The following TNFRSF4 variants were observed in gnomAD, a reference collection of about 807,000 sequenced individuals.
TNFRSF4 encodes tumor necrosis factor receptor superfamily member 4.
TNFRSF4 carries 21 observed loss-of-function variants against 29.5 expected under a neutral mutation model. That is an observed-to-expected ratio of 0.71 (90% CI 0.51 to 1.03). The LOEUF (loss-of-function observed/expected upper bound fraction) is 1.03, where lower values mean the gene tolerates loss of function less well. TNFRSF4 is among the 50% of genes least tolerant of loss of function. TNFRSF4 has a pLI of 0.00. For synonymous variants in TNFRSF4, 197 were observed against 172.7 expected (o/e 1.14, Z -1.10); for missense variants, 408 against 387.8 (o/e 1.05, Z -0.44).
At position 1,211,705 on chromosome 1, in the gene TNFRSF4, AG is replaced by A. The variant is rs1649118471; in HGVS notation, c.761del (p.Pro254LeufsTer?). 3.8e-6 allele frequency: 6 copies of A among 1,592,158 alleles called. No individual in the cohort carries two copies. The highest frequency in any genetic ancestry group is 2.7e-5 in the African/African-American group (2 of 74,422). ...QRLPPDAHKPPGGGSFRTPIQ... is the reference protein window; with the variant it reads ...QRLPPDAHKPXGGGSFRTPIQ... Reference sequence around the variant, plus strand: ...GCGGCAGGGCCATGAGGCACTCACCAGGGGGCTTGTGGGCATCGGGGGGCAG... The same window carrying A: ...GCGGCAGGGCCATGAGGCACTCACCAGGGGCTTGTGGGCATCGGGGGGCAG... On this transcript the variant is annotated frameshift_variant and splice_region_variant, in exon 6 of 7. Coordinates refer to ENST00000379236, the MANE Select transcript of TNFRSF4 (RefSeq NM_003327.4). LOFTEE classifies it high-confidence loss of function.
Position 1,211,693 on chromosome 1 carries a change from G to A in TNFRSF4, c.763+11C>T, listed in dbSNP as rs759668491. The A allele has an allele frequency of 2.5e-6, 4 of 1,591,092 alleles. No individual in the cohort carries two copies. The highest frequency in any genetic ancestry group is 1.3e-5 in the African/African-American group (1 of 74,194). On this transcript the variant is annotated intron_variant, in intron 6 of 6. Coordinates refer to ENST00000379236, the MANE Select transcript of TNFRSF4 (RefSeq NM_003327.4). ...GCCAGGAGCAGTGCGGCAGGGCCAT[G>A]AGGCACTCACCAGGGGGCTTGTGGG...
chr1:1,214,087 G>T lies in TNFRSF4; in HGVS notation c.41C>A (p.Ala14Glu), dbSNP rs569590056. Residue 14 changes from alanine (A) to glutamate (E), a missense_variant, in exon 1 of 7, where the codon GCG becomes GAG. Coordinates refer to ENST00000379236, the MANE Select transcript of TNFRSF4 (RefSeq NM_003327.4). The surrounding 1 kb of genome is among the most constrained non-coding windows in gnomAD (Gnocchi z 4.2). ...CCCCAGGCCCAGGAGGAGCAGAGCC[G>T]CACACGGCCCGCGGCCCAGCCGCCG... ...GARRLGRGPCAALLLLGLGLS... is the reference protein window; with the variant it reads ...GARRLGRGPCEALLLLGLGLS... 6.3e-7 allele frequency: 1 copy of T among 1,588,904 alleles called. No homozygotes were observed. Among genetic ancestry groups the T allele is most frequent in the Non-Finnish European group, 8.5e-7 (1 of 1,172,138 alleles).
rs756014065 is a variant in TNFRSF4, at chr1:1,212,602, C to G, written c.437+36G>C. The G allele has an allele frequency of 3.2e-5, 44 of 1,382,690 alleles. 1 individual carries two copies. Among genetic ancestry groups the G allele is most frequent in the South Asian group, 4.0e-5 (3 of 74,824 alleles). 85.7% of individuals were successfully genotyped at this position (1,382,690 alleles called of 1,614,324 possible). ...CGCCCTCCTAACCACCCCAACCCCC[C>G]CCCAGCCCCTCCCAGCCCCTGGCCA... is the stretch of plus-strand genomic sequence containing the variant. On this transcript the variant is annotated intron_variant, in intron 4 of 6. Transcript: ENST00000379236.
In TNFRSF4 at chr1:1,213,773, A is replaced by G. The variant is rs1570467742; in HGVS notation, c.158T>C (p.Val53Ala). 2 of 1,599,848 alleles carry G rather than the reference A, an allele frequency of 1.3e-6. No individual in the cohort carries two copies. The highest frequency in any genetic ancestry group is 2.7e-5 in the African/African-American group (2 of 74,842). Residue 53 changes from valine to alanine, a missense_variant, in exon 2 of 7, where the codon GTG (valine) becomes GCG (alanine). Physicochemically the swap from Val to Ala is moderately conservative, Grantham distance 64. Coordinates refer to ENST00000379236, the MANE Select transcript of TNFRSF4 (RefSeq NM_003327.4). ...CHECRPGNGM[V>A]SRCSRSQNTV... Reference sequence around the variant, plus strand: ...GTTCTGGGAGCGGCTGCAGCGGCTCACCATCCCGTTGCCTGCAGCAGAGGC... The same window carrying G: ...GTTCTGGGAGCGGCTGCAGCGGCTCGCCATCCCGTTGCCTGCAGCAGAGGC...
rs1649096153 is a variant in TNFRSF4 at position 1,211,514 on chromosome 1, C to G, written c.*41G>C. 2 of 1,476,350 alleles carry G rather than the reference C, an allele frequency of 1.4e-6. No homozygotes were observed. The highest frequency in any genetic ancestry group is 1.8e-6 in the Non-Finnish European group (2 of 1,116,478). The allele number at this position is 1,476,350 out of a possible 1,614,324, so 91.5% of individuals were successfully genotyped here. On this transcript the variant is annotated 3_prime_UTR_variant, in exon 7 of 7. Coordinates refer to ENST00000379236, the MANE Select transcript of TNFRSF4 (RefSeq NM_003327.4). ...GCTCGCCCAGCAGACCCTCCGGGCT[C>G]CAGCCTGGCGGGGCCCAGCGTCCAC...
chr1:1,212,554 C>A, intron 4 of TNFRSF4, 84 bp downstream of exon 4: 2 of 575,184 alleles, frequency 3.5e-6, no homozygotes, highest in Non-Finnish European at 2.7e-6. Context: ...CCCCCCCAGC[C>A]CCTCCCAGCT....
At position 1,213,133 on chromosome 1, in the gene TNFRSF4, T is replaced by C. The variant is rs554661731; in HGVS notation, c.269-40A>G. ...GATGGGGGGGTGGTCAGGTGGGGGC[T>C]GTGGACAGGGTCCTCAGGAAGCGTG... On this transcript the variant is annotated intron_variant, in intron 2 of 6. Transcript: ENST00000379236. 1.0e-5 allele frequency: 16 copies of C among 1,579,338 alleles called. No homozygotes were observed. In the East Asian group the frequency reaches 3.5e-4, roughly 34 times the overall value.
At chr1:1,213,163 C>T in intron 2 of TNFRSF4, 70 bp from the exon 3 acceptor site, 1 of 1,546,524 alleles carries the variant, frequency 6.5e-7, no homozygotes, top group East Asian at 2.4e-5. Flanking sequence ...AGCGTGGGCA[C>T]TGGAGGACAG....
intron 3 of TNFRSF4, 61 bp downstream of exon 3, chr1:1,212,931 T>C: frequency 6.6e-7 from 1 of 1,508,130 alleles, no homozygotes. Flanking sequence ...CCACGGCCCA[T>C]CTGCGTCACA....
Position 1,213,004 on chromosome 1 carries a change from T to C in TNFRSF4, c.358A>G (p.Lys120Glu), listed in dbSNP as rs1056773421. 1 of 1,611,214 alleles carries C rather than the reference T, an allele frequency of 6.2e-7. No homozygotes were observed. Among genetic ancestry groups the C allele is most frequent in the Non-Finnish European group, 8.5e-7 (1 of 1,179,262 alleles). The change falls in exon 3 of 7, where the codon AAG (lysine) becomes GAG (glutamate). Residue 120 changes from lysine to glutamate, a missense_variant. Coordinates refer to ENST00000379236, the MANE Select transcript of TNFRSF4 (RefSeq NM_003327.4). ...CCACCGAGCTCACCAACTCCAGGCT[T>C]GTAGCTGTCCAGGGGCTGGGTGCCC... ...RAGTQPLDSYKPGVDCAPCPP... is the reference protein window; with the variant it reads ...RAGTQPLDSYEPGVDCAPCPP...
At position 1,212,854 on chromosome 1, in the gene TNFRSF4, G is replaced by A. The variant is rs1338576976; in HGVS notation, c.370+138C>T. 2.4e-6 allele frequency: 3 copies of A among 1,235,612 alleles called. No homozygotes were observed. In the South Asian group the frequency reaches 4.7e-5, roughly 19 times the overall value. 76.5% of individuals were successfully genotyped at this position (1,235,612 alleles called of 1,614,324 possible). A position where few individuals can be genotyped will look rare whatever the true frequency, so the allele number is the denominator to read the frequency against. ...CTCCCTGCCCACATCCCACCCGTGG[G>A]CCCTGACCCGGGAGCTCGGTCTTGA... On this transcript the variant is annotated intron_variant, in intron 3 of 6. Transcript: ENST00000379236.
In TNFRSF4 at chr1:1,211,539, C is replaced by T; in HGVS notation, c.*16G>A. 1 of 1,484,670 alleles carries T rather than the reference C, an allele frequency of 6.7e-7. No individual in the cohort carries two copies. The highest frequency in any genetic ancestry group is 8.9e-7 in the Non-Finnish European group (1 of 1,119,116). The allele number at this position is 1,484,670 out of a possible 1,614,324, so 92.0% of individuals were successfully genotyped here. On this transcript the variant is annotated 3_prime_UTR_variant, in exon 7 of 7. Coordinates refer to ENST00000379236, the MANE Select transcript of TNFRSF4 (RefSeq NM_003327.4). The stretch of plus-strand genomic sequence containing the variant: ...CCAGCCTGGCGGGGCCCAGCGTCCA[C>T]CTTGGTGGGCCCAGGTCAGATCTTG...
In TNFRSF4 at chr1:1,211,489, G is replaced by T; in HGVS notation, c.*66C>A. ...GGGGCAGGCGGCCTGCACCTGCCCTGCTCGCCCAGCAGACCCTCCGGGCTC... is the reference window on the plus strand; with the variant it reads ...GGGGCAGGCGGCCTGCACCTGCCCTTCTCGCCCAGCAGACCCTCCGGGCTC... On this transcript the variant is annotated 3_prime_UTR_variant, in exon 7 of 7. Coordinates refer to ENST00000379236, the MANE Select transcript of TNFRSF4 (RefSeq NM_003327.4). The T allele has an allele frequency of 2.1e-6, 3 of 1,425,468 alleles. No homozygotes were observed. The highest frequency in any genetic ancestry group is 1.8e-6 in the Non-Finnish European group (2 of 1,087,416). 88.3% of individuals were successfully genotyped at this position (1,425,468 alleles called of 1,614,324 possible). A position where few individuals can be genotyped will look rare whatever the true frequency, so the allele number is the denominator to read the frequency against.
Position 1,211,437 on chromosome 1 carries a change from G to C in TNFRSF4, c.*118C>G. ...GGAGGCAGCCATCGGCACCTAGAAC[G>C]GTGCAGAGTTGGCCCAGGAGCGTGG... On this transcript the variant is annotated 3_prime_UTR_variant, in exon 7 of 7. Transcript: ENST00000379236. 1 of 1,026,214 alleles carries C rather than the reference G, an allele frequency of 9.7e-7. No individual in the cohort carries two copies. Among genetic ancestry groups the C allele is most frequent in the Non-Finnish European group, 1.3e-6 (1 of 742,374 alleles). The allele number at this position is 1,026,214 out of a possible 1,614,324, so 63.6% of individuals were successfully genotyped here. A position where few individuals can be genotyped will look rare whatever the true frequency, so the allele number is the denominator to read the frequency against.
chr1:1,211,853 G>A (rs1282693576), intron 5 of TNFRSF4, 21 bp from the exon 6 acceptor site: 7 of 1,530,916 alleles, frequency 4.6e-6, no homozygotes, highest in Non-Finnish European at 6.1e-6. Context: ...GGGTCTGCTG[G>A]GTGGGGTCCA....
intron 4 of TNFRSF4, 60 bp from the exon 5 acceptor site, chr1:1,212,198 G>T: frequency 6.3e-7 from 1 of 1,580,870 alleles, no homozygotes; most frequent in Non-Finnish European, 8.6e-7. Flanking sequence ...GGGAGATGCG[G>T]TGGGGATAAC....
chr1:1,213,166 G>T (rs908834598), intron 2 of TNFRSF4, 73 bp from the exon 3 acceptor site: 4 of 1,544,616 alleles, frequency 2.6e-6, no homozygotes, highest in Admixed American at 1.9e-5. Context: ...GTGGGCACTG[G>T]AGGACAGGTT....
In TNFRSF4 at chr1:1,212,984, G is replaced by A. The variant is rs376518717; in HGVS notation, c.370+8C>T. 2.2e-5 allele frequency: 35 copies of A among 1,607,646 alleles called. No individual in the cohort carries two copies. The highest frequency in any genetic ancestry group is 3.4e-5 in the Admixed American group (2 of 59,366). On this transcript the variant is annotated splice_region_variant and intron_variant, in intron 3 of 6. Transcript: ENST00000379236. ...CCCCCAACCGCCGGCCGCAGCCACCGAGCTCACCAACTCCAGGCTTGTAGC... is the reference window on the plus strand; with the variant it reads ...CCCCCAACCGCCGGCCGCAGCCACCAAGCTCACCAACTCCAGGCTTGTAGC...
chr1:1,212,784 C>T, intron 3 of TNFRSF4, 80 bp from the exon 4 acceptor site: 2 of 1,313,026 alleles, frequency 1.5e-6, no homozygotes, highest in Non-Finnish European at 2.1e-6. Context: ...GTGGGGCAGG[C>T]ACTTGCCCCC....
Sources: allele counts gnomAD v4.1 joint callset, GRCh38; gene constraint gnomAD v4.1.1; non-coding constraint Gnocchi (gnomAD v3.1); transcripts MANE v1.5; gene names NCBI Gene and HGNC (gene_info 2026-07-23, HGNC 2026-07-21).